ZNF717: variants seen among roughly 807,000 people sequenced by gnomAD.
ZNF717 encodes zinc finger protein 717, also known as krueppel-like factor X17.
ZNF717 carries 9 observed loss-of-function variants against 13.8 expected under a neutral mutation model. The ratio of observed to expected loss-of-function variants is 0.65; its 90% CI spans 0.39 to 1.14. The LOEUF (loss-of-function observed/expected upper bound fraction) is 1.14, where lower values mean the gene tolerates loss of function less well. ZNF717 is among the 50% of genes most tolerant of loss of function. The probability of loss-of-function intolerance (pLI) is 0.01; values close to 1 mark genes in which losing one functional copy is unlikely to be tolerated. For missense variants in ZNF717, 1,040 were observed against 1,080.7 expected, an observed-to-expected ratio of 0.96 and a Z score of 0.53; for synonymous variants, 327 against 364.1, an observed-to-expected ratio of 0.90 and a Z score of 1.16.
chr3:75,745,484 T>C (rs1363692690), intron 2 of ZNF717, among the ~76,000 whole-genome samples: 7 of 152,150 alleles, frequency 4.6e-5, no homozygotes, highest in African/African-American at 1.2e-4. Context: ...TTCTGGTGAA[T>C]ACACGTAACA....
chr3:75,781,930 T>G (rs1197960196), intron 2 of ZNF717, among the ~76,000 whole-genome samples: 3 of 152,172 alleles, frequency 2.0e-5, no homozygotes, highest in Admixed American at 2.0e-4. Flanking sequence ...GTCTGTTTTT[T>G]CTTCTGTAAG....
At chr3:75,706,872 A>G (rs796332332), downstream of ZNF717, among the ~76,000 whole-genome samples, 1 of 152,308 alleles carries the variant, frequency 6.6e-6, no homozygotes, top group Admixed American at 6.5e-5. Context: ...AAGCCCCAAA[A>G]CACTGCTTAT....
chr3:75,713,347 T>C (rs75472074), intron 5 of ZNF717, among the ~76,000 whole-genome samples: 1 of 151,776 alleles, frequency 6.6e-6, no homozygotes, highest in East Asian at 2.0e-4. Flanking sequence ...GATGGGGTTT[T>C]ACCATGTTGC....
intron 4 of ZNF717, among the ~76,000 whole-genome samples, chr3:75,724,103 G>A (rs1474168448): frequency 6.0e-3 from 711 of 118,560 alleles, no homozygotes; most frequent in Admixed American, 8.9e-3. Context: ...TGCCAAACAA[G>A]GAAGGGCCTC....
intron 2 of ZNF717, among the ~76,000 whole-genome samples, chr3:75,770,144 AC>A (rs1033846134): frequency 2.0e-5 from 3 of 152,102 alleles, no homozygotes; most frequent in African/African-American, 7.2e-5. Flanking sequence ...GAACCTCACC[AC>A]CCCACAAACA....
chr3:75,705,830 G>A (rs1356885702), downstream of ZNF717, among the ~76,000 whole-genome samples: 2 of 152,312 alleles, frequency 1.3e-5, no homozygotes, highest in Admixed American at 1.3e-4. Flanking sequence ...ATTTTCAGAG[G>A]TTCTGGGAAA....
At chr3:75,699,494 C>T (rs1440158475) in intron 6 of ZNF717, among the ~76,000 whole-genome samples, 3 of 152,374 alleles carry the variant, frequency 2.0e-5, no homozygotes, top group Non-Finnish European at 4.4e-5. Context: ...CCTTTGGTGC[C>T]ATTCCCACAA....
Position 75,737,420 on chromosome 3 carries a change from T to G in ZNF717, c.2203A>C (p.Asn735His). 3 of 1,554,428 alleles carry G rather than the reference T, an allele frequency of 1.9e-6. No homozygotes were observed. The highest frequency in any genetic ancestry group is 2.6e-6 in the Non-Finnish European group (3 of 1,148,648). The change falls in exon 5 of 5, where the codon AAT becomes CAT. Residue 735 changes from asparagine to histidine, a missense_variant. This residue lies in a region of ZNF717 where 873 missense variants were observed against 832.8 expected (regional missense o/e 1.05). Coordinates refer to ENST00000652011, the MANE Select transcript of ZNF717 (RefSeq NM_001290208.3). ...GACTTCTGACAAGGTTTTTCCACAT[T>G]TGCTACATTCATAGGGTTTCTCCCC... ...TRGRNPMNVA[N>H]VEKPCQKSVL...
chr3:75,714,163 G>T (rs1378577790), intron 5 of ZNF717, among the ~76,000 whole-genome samples: 3 of 151,902 alleles, frequency 2.0e-5, no homozygotes, highest in African/African-American at 7.3e-5. Context: ...AACTGCGGTG[G>T]GCCTGACATC....
At chr3:75,732,326 T>G (rs1266849791), downstream of ZNF717, among the ~76,000 whole-genome samples, 1 of 152,194 alleles carries the variant, frequency 6.6e-6, no homozygotes, top group Non-Finnish European at 1.5e-5. Flanking sequence ...GAGAAACACA[T>G]GTGAAGTTCA....
chr3:75,704,988 G>A (rs1937774322), downstream of ZNF717, among the ~76,000 whole-genome samples: 1 of 151,142 alleles, frequency 6.6e-6, no homozygotes, highest in South Asian at 2.1e-4. Context: ...GATAAGATCA[G>A]ATATGCCTGT....
At chr3:75,716,198 C>G (rs747061595) in intron 5 of ZNF717, among the ~76,000 whole-genome samples, 19 of 148,836 alleles carry the variant, frequency 1.3e-4, no homozygotes, top group Non-Finnish European at 2.8e-4. Flanking sequence ...CCAGGATGGT[C>G]TTGATCTCTT....
intron 6 of ZNF717, among the ~76,000 whole-genome samples, chr3:75,702,985 G>T (rs1329107210): frequency 6.6e-6 from 1 of 152,302 alleles, no homozygotes; most frequent in Non-Finnish European, 1.5e-5. Flanking sequence ...ATCAATCCCT[G>T]CAGGGAACCC....
intron 6 of ZNF717, among the ~76,000 whole-genome samples, chr3:75,699,942 A>G (rs1937652241): frequency 6.6e-6 from 1 of 152,306 alleles, no homozygotes; most frequent in African/African-American, 2.4e-5. Context: ...CCAAAGAAAT[A>G]AAAGTTCTCA....
chr3:75,739,069 A>T lies in ZNF717; in HGVS notation c.554T>A (p.Ile185Lys). ...ATGATGTCTGTGGGATCTCCTGGTT[A>T]TATCACAGACATGAGGTTTCTCTCC... The part of the protein sequence containing the change: ...QSGEKPHVCD[I>K]TRRSHRHHEH... The change falls in exon 5 of 5, where the codon ATA (isoleucine) becomes AAA (lysine). Residue 185 changes from isoleucine (I) to lysine (K), a missense_variant. Ile to Lys is a moderately radical substitution (Grantham distance 102). Transcript: ENST00000652011. 6.4e-7 allele frequency: 1 copy of T among 1,551,616 alleles called. No homozygotes were observed. Among genetic ancestry groups the T allele is most frequent in the Non-Finnish European group, 8.7e-7 (1 of 1,146,940 alleles).
chr3:75,768,827 A>T (rs1205466775), intron 2 of ZNF717, among the ~76,000 whole-genome samples: 1 of 148,362 alleles, frequency 6.7e-6, no homozygotes, highest in Non-Finnish European at 1.5e-5. Context: ...TCTGTCACTG[A>T]GTGTGTGGGG....
chr3:75,729,443 C>A (rs1472216069), downstream of ZNF717, among the ~76,000 whole-genome samples: 1 of 152,164 alleles, frequency 6.6e-6, no homozygotes, highest in South Asian at 2.1e-4. Context: ...TGGAGAATCC[C>A]CATCTCTACT....
chr3:75,765,898 C>T (rs1446121191), intron 2 of ZNF717, among the ~76,000 whole-genome samples: 1 of 152,156 alleles, frequency 6.6e-6, no homozygotes, highest in East Asian at 1.9e-4. Flanking sequence ...TGCTTGAGCT[C>T]AGGAGTTCAA....
At chr3:75,753,231 C>T (rs796845433) in intron 2 of ZNF717, among the ~76,000 whole-genome samples, 1 of 151,954 alleles carries the variant, frequency 6.6e-6, no homozygotes, top group Non-Finnish European at 1.5e-5. Context: ...CATGGGATTC[C>T]AGAACACTGC....
Sources: allele counts gnomAD v4.1 joint callset (sites outside exome capture counted in the v4.1 genomes callset), GRCh38; gene constraint gnomAD v4.1.1; regional missense constraint gnomAD v4.1.1; transcripts MANE v1.5; gene names NCBI Gene and HGNC (gene_info 2026-07-23, HGNC 2026-07-21).